Variants in ATP9A observed in about 807,000 individuals in gnomAD.
The protein encoded by ATP9A is probable phospholipid-transporting ATPase IIA.
A neutral mutation model predicts 144.1 loss-of-function variants in ATP9A; 52 were observed. The observed-to-expected ratio is 0.36, with a 90% CI of 0.29 to 0.45. The LOEUF is 0.45. ATP9A is among the 20% of genes least tolerant of loss of function. ATP9A has a pLI of 1.00. For missense variants in ATP9A, 947 were observed against 1,392.7 expected (o/e 0.68, Z 5.09); for synonymous variants, 582 against 557.4 (o/e 1.04, Z -0.62).
chr20:51,740,436 G>A (rs925290306), intron 1 of ATP9A, among the ~76,000 whole-genome samples: 18 of 144,428 alleles, frequency 1.2e-4, no homozygotes, highest in Admixed American at 7.8e-4. Context: ...CAGGCCAGGC[G>A]CGGTGGCTCA....
intron 14 of ATP9A, among the ~76,000 whole-genome samples, chr20:51,655,312 G>A (rs1002819884): frequency 2.6e-5 from 4 of 152,218 alleles, no homozygotes; most frequent in East Asian, 1.9e-4. Context: ...AAAGGTGGCC[G>A]GGCGCTGTGG....
Position 51,713,791 on chromosome 20 carries a change from A to G in ATP9A, c.328-717T>C, listed in dbSNP as rs555425112. ...ATATAAATAGCAACAAAGATTCTAT[A>G]CAATTAAATGTTTTCCAATTTCCTT... On this transcript the variant is annotated intron_variant, in intron 3 of 27. Coordinates refer to ENST00000338821, the MANE Select transcript of ATP9A (RefSeq NM_006045.3). 6.6e-5 allele frequency among the ~76,000 whole-genome samples: 10 copies of G among 152,360 alleles called. No homozygotes were observed. In the East Asian group the frequency reaches 1.9e-3, roughly 29 times the overall value.
chr20:51,657,295 T>A, intron 13 of ATP9A, 145 bp from the exon 14 acceptor site: 3 of 597,098 alleles, frequency 5.0e-6, no homozygotes, highest in South Asian at 2.6e-5. Flanking sequence ...ATGCTGCAAA[T>A]AAATGACATG....
Position 51,713,089 on chromosome 20 carries a change from G to T in ATP9A, c.328-15C>A. ...AGCACGAAGCCCTGCAGAGACAGACGACAGTGAGTCTTGCTACAGGCAGTG... is the reference window on the plus strand; with the variant it reads ...AGCACGAAGCCCTGCAGAGACAGACTACAGTGAGTCTTGCTACAGGCAGTG... On this transcript the variant is annotated splice_polypyrimidine_tract_variant and intron_variant, in intron 3 of 27. Coordinates refer to ENST00000338821, the MANE Select transcript of ATP9A (RefSeq NM_006045.3). 6.3e-7 allele frequency: 1 copy of T among 1,597,454 alleles called. No homozygotes were observed.
At chr20:51,714,003 T>C (rs1303044133) in intron 3 of ATP9A, among the ~76,000 whole-genome samples, 10 of 142,698 alleles carry the variant, frequency 7.0e-5, no homozygotes, top group Middle Eastern at 3.9e-3. Context: ...ACCTCCCGGG[T>C]TCAAGCGATT....
intron 6 of ATP9A, among the ~76,000 whole-genome samples, chr20:51,695,840 C>T (rs2077568476): frequency 6.6e-6 from 1 of 152,224 alleles, no homozygotes; most frequent in Non-Finnish European, 1.5e-5. Flanking sequence ...TCCAAAGCCA[C>T]TGTATGCGTG....
intron 11 of ATP9A, 68 bp downstream of exon 11, chr20:51,674,085 A>G: frequency 1.3e-6 from 2 of 1,508,350 alleles, no homozygotes; most frequent in Non-Finnish European, 1.8e-6. Flanking sequence ...CCACAGAACC[A>G]TCATCTTTGA....
chr20:51,689,497 T>C (rs2077537859), intron 8 of ATP9A, among the ~76,000 whole-genome samples: 2 of 151,932 alleles, frequency 1.3e-5, no homozygotes, highest in African/African-American at 2.4e-5. Flanking sequence ...ATGTGGACAA[T>C]GTAATATGGG....
chr20:51,612,248 C>T (rs1460836177), intron 23 of ATP9A, among the ~76,000 whole-genome samples: 1 of 152,162 alleles, frequency 6.6e-6, no homozygotes, highest in Non-Finnish European at 1.5e-5. Context: ...CAGAAGGAGA[C>T]GTGAGTTCCA....
rs183886607 is a variant in ATP9A, at chr20:51,737,891, A to G, written c.69-7913T>C. ...GAGCCAGGTGTGGTGGCGCAGATCT[A>G]TATCCTATCTATATGCTATACTCTA... On this transcript the variant is annotated intron_variant, in intron 1 of 27. Coordinates refer to ENST00000338821, the MANE Select transcript of ATP9A (RefSeq NM_006045.3). Among the ~76,000 whole-genome samples the G allele has an allele frequency of 3.1e-3, 470 of 152,210 alleles. 1 individual carries two copies. Among genetic ancestry groups the G allele is most frequent in the Non-Finnish European group, 5.3e-3 (362 of 68,014 alleles).
At chr20:51,688,729 C>T (rs867950877) in intron 9 of ATP9A, among the ~76,000 whole-genome samples, 17 of 152,170 alleles carry the variant, frequency 1.1e-4, no homozygotes, top group African/African-American at 3.9e-4. Flanking sequence ...AGTCCCAGCG[C>T]GACATACCCT....
rs527726356 is a variant in ATP9A at position 51,623,423 on chromosome 20, C to G, written c.2017-1251G>C. 1.1e-3 allele frequency among the ~76,000 whole-genome samples: 169 copies of G among 152,260 alleles called. 1 individual carries two copies. The highest frequency in any genetic ancestry group is 4.0e-3 in the African/African-American group (166 of 41,558). On this transcript the variant is annotated intron_variant, in intron 18 of 27. Coordinates refer to ENST00000338821, the MANE Select transcript of ATP9A (RefSeq NM_006045.3). ...CTCTGCTGCTTCCCAATGTGAGAAC[C>G]TGGGGAATGGAGACGCCTCACTTAG... is the stretch of plus-strand genomic sequence containing the variant.
At chr20:51,622,041 C>A (rs1345788838) in intron 19 of ATP9A, 33 bp downstream of exon 19, 2 of 1,587,468 alleles carry the variant, frequency 1.3e-6, no homozygotes, top group Non-Finnish European at 1.7e-6. Context: ...CGAACATCAT[C>A]CCCACATGGC....
intron 13 of ATP9A, among the ~76,000 whole-genome samples, chr20:51,665,997 CTG>C (rs1001780380): frequency 2.0e-5 from 3 of 152,210 alleles, no homozygotes; most frequent in African/African-American, 7.2e-5. Context: ...AAATAAACAA[CTG>C]TGGAATTCCA....
intron 1 of ATP9A, among the ~76,000 whole-genome samples, chr20:51,754,031 G>T (rs1387880294): frequency 2.0e-5 from 3 of 151,948 alleles, no homozygotes; most frequent in East Asian, 1.9e-4. Context: ...GGAAAACAAA[G>T]ATTAGACTTT....
At chr20:51,607,386 G>A (rs964539723) in intron 26 of ATP9A, 141 bp downstream of exon 26, 2 of 687,538 alleles carry the variant, frequency 2.9e-6, no homozygotes, top group South Asian at 3.7e-5. Context: ...AGGGTGAGCA[G>A]GGTCTCCCCT....
intron 24 of ATP9A, among the ~76,000 whole-genome samples, chr20:51,609,749 C>G (rs1240486556): frequency 6.6e-6 from 1 of 152,188 alleles, no homozygotes; most frequent in Non-Finnish European, 1.5e-5. Context: ...GATCCCCCAC[C>G]CCTTTTTATT....
intron 7 of ATP9A, among the ~76,000 whole-genome samples, chr20:51,692,168 C>T (rs2077551173): frequency 6.6e-6 from 1 of 152,190 alleles, no homozygotes; most frequent in Admixed American, 6.5e-5. Flanking sequence ...CGAAGATGAA[C>T]ACGGCTGATG....
At chr20:51,621,468 G>A (rs2077226682) in intron 19 of ATP9A, among the ~76,000 whole-genome samples, 2 of 152,082 alleles carry the variant, frequency 1.3e-5, no homozygotes, top group South Asian at 4.1e-4. Flanking sequence ...CCCCAAAGAG[G>A]ACCCGGTCCC....
Sources: gnomAD v4.1 joint callset for allele counts (sites outside exome capture counted in the v4.1 genomes callset) on GRCh38, gnomAD v4.1.1 for gene constraint, MANE v1.5 for transcripts, NCBI Gene and HGNC (gene_info 2026-07-23, HGNC 2026-07-21) for gene names.